Variants in DSC2 observed in about 807,000 individuals in gnomAD.
The protein encoded by DSC2 is desmocollin 2.
DSC2 carries 51 observed loss-of-function variants against 87.6 expected under a neutral mutation model. The observed-to-expected ratio is 0.58, with a 90% confidence interval of 0.46 to 0.74. DSC2 has a LOEUF of 0.74. DSC2 is among the 30% of genes least tolerant of loss of function. The probability of loss-of-function intolerance (pLI) is 0.00; values close to 1 mark genes in which losing one functional copy is unlikely to be tolerated. For missense variants in DSC2, 1,066 were observed against 1,089.5 expected, an observed-to-expected ratio of 0.98 and a Z score of 0.30; for synonymous variants, 383 against 393.2, an observed-to-expected ratio of 0.97 and a Z score of 0.31.
rs750118589 is a variant in DSC2 at position 31,086,645 on chromosome 18, T to A, written c.873A>T (p.Ser291=). The change falls in exon 7 of 16, where the codon TCA becomes TCT. Residue 291 remains serine, a synonymous_variant. Coordinates refer to ENST00000280904, the MANE Select transcript of DSC2 (RefSeq NM_024422.6). ...KYSIIGQVPP[S]PTLFSMHPTT... ...TTGGATGCATAGAAAATAGGGTGGG[T>A]GATGGTGGCACCTGCCCAATGATGG... The A allele has an allele frequency of 1.1e-5, 18 of 1,614,012 alleles. No homozygotes were observed. Among genetic ancestry groups the A allele is most frequent in the Non-Finnish European group, 1.5e-5 (18 of 1,180,016 alleles).
rs1350045782 is a variant in DSC2 at position 31,101,951 on chromosome 18, G to A, written c.21C>T (p.Ser7=). 2.0e-6 allele frequency: 3 copies of A among 1,527,502 alleles called. No homozygotes were observed. Among genetic ancestry groups the A allele is most frequent in the Non-Finnish European group, 2.6e-6 (3 of 1,142,912 alleles). The allele number at this position is 1,527,502 out of a possible 1,614,324, so 94.6% of individuals were successfully genotyped here. MEAARP[S]GSWNGALCRL... The stretch of plus-strand genomic sequence containing the variant: ...GGCAGAGGGCTCCGTTCCAGGAGCC[G>A]GAGGGGCGGGCTGCCTCCATGGAGA... Residue 7 remains serine (S), a synonymous_variant, in exon 1 of 16, where the codon TCC becomes TCT. Transcript: ENST00000280904.
chr18:31,096,683 A>T (rs1357019370), intron 1 of DSC2, among the ~76,000 whole-genome samples: 1 of 152,208 alleles, frequency 6.6e-6, no homozygotes, highest in African/African-American at 2.4e-5. Context: ...TCAAAAAATA[A>T]GAATTGATAA....
intron 1 of DSC2, among the ~76,000 whole-genome samples, chr18:31,094,301 T>G (rs1987698316): frequency 6.6e-6 from 1 of 152,236 alleles, no homozygotes; most frequent in African/African-American, 2.4e-5. Flanking sequence ...ATTAACTTAT[T>G]GCCATGAAGT....
At chr18:31,091,968 A>T in intron 3 of DSC2, 133 bp downstream of exon 3, 1 of 834,038 alleles carries the variant, frequency 1.2e-6, no homozygotes, top group Non-Finnish European at 1.9e-6. Context: ...AAACACTGTG[A>T]AGTTGCCTCA....
rs756441863 is a variant in DSC2, at chr18:31,087,791, G to A, written c.653C>T (p.Pro218Leu). Residue 218 changes from proline (P) to leucine (L), a missense_variant, in exon 6 of 16, where the codon CCA becomes CTA. By Grantham distance (98) the Pro-to-Leu change is moderately conservative (BLOSUM62 -3). Coordinates refer to ENST00000280904, the MANE Select transcript of DSC2 (RefSeq NM_024422.6). ...TGGAAGTTCTGGAGTATACCCATCT[G>A]GAGTTGTTGCAAAGGCAATTATCTG... ...SFEIIAFATT[P>L]DGYTPELPLP... The A allele has an allele frequency of 6.2e-7, 1 of 1,613,806 alleles. No individual in the cohort carries two copies. Among genetic ancestry groups the A allele is most frequent in the East Asian group, 2.2e-5 (1 of 44,838 alleles).
chr18:31,090,294 A>T (rs1208342567), intron 4 of DSC2, among the ~76,000 whole-genome samples: 1 of 152,196 alleles, frequency 6.6e-6, no homozygotes, highest in Non-Finnish European at 1.5e-5. Flanking sequence ...TTGGTGGGGT[A>T]TAAAAAGGAT....
rs977589123 is a variant in DSC2 at position 31,082,927 on chromosome 18, G to T, written c.1076C>A (p.Ser359Tyr). 6.2e-7 allele frequency: 1 copy of T among 1,612,968 alleles called. No homozygotes were observed. Among genetic ancestry groups the T allele is most frequent in the Non-Finnish European group, 8.5e-7 (1 of 1,179,776 alleles). The change falls in exon 8 of 16, where the codon TCT becomes TAT. Residue 359 changes from serine (S) to tyrosine (Y), a missense_variant and splice_region_variant. By Grantham distance (144) the Ser-to-Tyr change is moderately radical (BLOSUM62 -2). Transcript: ENST00000280904. ...CTTTAATTAATATCATACACTTACA[G>T]AAGTACGAGTAAATGTTGGCAAGTG... ...NDHLPTFTRTSYVTSVEENTV... is the reference protein window; with the variant it reads ...NDHLPTFTRTYYVTSVEENTV...
At chr18:31,097,825 T>C (rs1363648074) in intron 1 of DSC2, among the ~76,000 whole-genome samples, 1 of 151,858 alleles carries the variant, frequency 6.6e-6, no homozygotes, top group Non-Finnish European at 1.5e-5. Context: ...ACCACATACT[T>C]GCCTACATCG....
intron 14 of DSC2, among the ~76,000 whole-genome samples, chr18:31,069,420 C>A (rs1226673754): frequency 3.9e-5 from 6 of 152,024 alleles, no homozygotes; most frequent in East Asian, 3.9e-4. Context: ...CTTTAAAAAT[C>A]TCTTAGAATA....
At chr18:31,075,002 T>A in intron 11 of DSC2, 95 bp from the exon 12 acceptor site, 1 of 1,289,976 alleles carries the variant, frequency 7.8e-7, no homozygotes, top group Non-Finnish European at 1.1e-6. Flanking sequence ...ATTAAGCACC[T>A]ATAATGTAGA....
chr18:31,079,311 T>G (rs921002607), intron 11 of DSC2, among the ~76,000 whole-genome samples: 1 of 152,226 alleles, frequency 6.6e-6, no homozygotes, highest in Non-Finnish European at 1.5e-5. Context: ...TAGAGTGCAG[T>G]GGCGCGATCT....
rs557662183 is a variant in DSC2 at position 31,097,125 on chromosome 18, A to G, written c.70-3482T>C. Among the ~76,000 whole-genome samples the G allele has an allele frequency of 2.9e-3, 436 of 151,756 alleles. 1 individual carries two copies. Among genetic ancestry groups the G allele is most frequent in the Non-Finnish European group, 5.0e-3 (342 of 67,866 alleles). On this transcript the variant is annotated intron_variant, in intron 1 of 15. Coordinates refer to ENST00000280904, the MANE Select transcript of DSC2 (RefSeq NM_024422.6). ...GTGAAACCCTGTCTCTACTAAAAAT[A>G]CAAAAAAAAAAAATTAGCCAGGCGT...
Position 31,071,622 on chromosome 18 carries a change from C to T in DSC2, c.2108G>A (p.Gly703Asp). 2 of 1,613,884 alleles carry T rather than the reference C, an allele frequency of 1.2e-6. No individual in the cohort carries two copies. The highest frequency in any genetic ancestry group is 8.5e-7 in the Non-Finnish European group (1 of 1,179,824). Reference protein sequence around the residue: ...GKWAILAILLGIALLFCILFT... With the variant: ...GKWAILAILLDIALLFCILFT... The stretch of plus-strand genomic sequence containing the variant: ...AGACTTACAAAAGAGCAATGCTATG[C>T]CCAACAATATTGCAAGGATGGCCCA... Residue 703 changes from glycine to aspartate, a missense_variant, in exon 13 of 16, where the codon GGC becomes GAC. Transcript: ENST00000280904.
intron 12 of DSC2, among the ~76,000 whole-genome samples, chr18:31,073,785 CT>C (rs1986912321): frequency 2.6e-5 from 4 of 152,136 alleles, no homozygotes; most frequent in Admixed American, 2.0e-4. Flanking sequence ...GACAGGTTGC[CT>C]TCATTTTTGC....
Position 31,102,358 on chromosome 18 carries a change from C to A in DSC2, c.-387G>T. 1 of 178,166 alleles carries A rather than the reference C, an allele frequency of 5.6e-6. No individual in the cohort carries two copies. The highest frequency in any genetic ancestry group is 2.3e-5 in the African/African-American group (1 of 42,642). 11.0% of individuals were successfully genotyped at this position (178,166 alleles called of 1,614,324 possible). On this transcript the variant is annotated 5_prime_UTR_variant, in exon 1 of 16. Transcript: ENST00000280904. The stretch of plus-strand genomic sequence containing the variant: ...CCTATAAGGCCCATCTCCCCCACCA[C>A]GCCCCGGTGTCCGCTCCGCCAGGCG...
At chr18:31,101,254 A>G (rs1987937726) in intron 1 of DSC2, 10 of 985,048 alleles carry the variant, frequency 1.0e-5, no homozygotes, top group Middle Eastern at 5.2e-4. Context: ...CTCAGGAGCA[A>G]AGGGTCAAGA....
In DSC2 at chr18:31,065,191, G is replaced by A. The variant is rs1986584837; in HGVS notation, c.*2824C>T. 6.6e-6 allele frequency: 1 copy of A among 152,230 alleles called. No homozygotes were observed. The highest frequency in any genetic ancestry group is 1.5e-5 in the Non-Finnish European group (1 of 68,068). 9.4% of individuals were successfully genotyped at this position (152,230 alleles called of 1,614,324 possible). On this transcript the variant is annotated 3_prime_UTR_variant, in exon 16 of 16. Coordinates refer to ENST00000280904, the MANE Select transcript of DSC2 (RefSeq NM_024422.6). ...ATGAGAGACCTGGAAGCTACTATGA[G>A]CCATGAAATTCCCAAAGGCCATCAC... is the stretch of plus-strand genomic sequence containing the variant.
At chr18:31,070,996 T>A in intron 13 of DSC2, 146 bp from the exon 14 acceptor site, 1 of 991,340 alleles carries the variant, frequency 1.0e-6, no homozygotes, top group Non-Finnish European at 1.5e-6. Context: ...GTCAAAGCAG[T>A]ATACAATAGA....
chr18:31,069,118 CCA>C lies in DSC2; in HGVS notation c.2282_2283del (p.Val761GlyfsTer75). The C allele has an allele frequency of 6.2e-7, 1 of 1,614,084 alleles. No homozygotes were observed. Among genetic ancestry groups the C allele is most frequent in the Non-Finnish European group, 8.5e-7 (1 of 1,179,996 alleles). ...YSANGFTTQT[V>X]GASAQGVCGT... ...CCACAAACTCCCTGAGCAGAAGCGC[CCA>C]CAGTTTGGGTTGTGAAGCCATTCGC... On this transcript the variant is annotated frameshift_variant, in exon 15 of 16. Coordinates refer to ENST00000280904, the MANE Select transcript of DSC2 (RefSeq NM_024422.6). LOFTEE classifies it high-confidence loss of function.
Sources: allele counts gnomAD v4.1 joint callset (sites outside exome capture counted in the v4.1 genomes callset), GRCh38; gene constraint gnomAD v4.1.1; transcripts MANE v1.5; gene names NCBI Gene and HGNC (gene_info 2026-07-23, HGNC 2026-07-21).